LRRTM4: variants seen among roughly 807,000 people sequenced by gnomAD.
LRRTM4 encodes leucine-rich repeat transmembrane neuronal protein 4.
In LRRTM4, 25 loss-of-function variants were observed where a neutral mutation model predicts 47.6. The ratio of observed to expected loss-of-function variants is 0.53; its 90% CI spans 0.38 to 0.73. LRRTM4 has a LOEUF of 0.73. Ranked by LOEUF, LRRTM4 falls within the 30% of genes least tolerant of loss-of-function variation. LRRTM4 has a pLI of 0.00. For missense variants in LRRTM4, 638 were observed against 713.4 expected (o/e 0.89, Z 1.20); for synonymous variants, 311 against 269.5 (o/e 1.15, Z -1.51).
At chr2:77,122,444 T>C (rs146677401) in intron 3 of LRRTM4, among the ~76,000 whole-genome samples, 10 of 150,596 alleles carry the variant, frequency 6.6e-5, no homozygotes, top group African/African-American at 1.7e-4. Flanking sequence ...TAGATATACA[T>C]ATTATACACA....
intron 3 of LRRTM4, among the ~76,000 whole-genome samples, chr2:76,909,996 G>A (rs539009571): frequency 1.4e-4 from 21 of 152,224 alleles, no homozygotes; most frequent in South Asian, 2.1e-4. Flanking sequence ...CCATTACTGC[G>A]TATATACCCA....
chr2:77,282,643 G>A (rs1169168829), intron 3 of LRRTM4, among the ~76,000 whole-genome samples: 2 of 151,818 alleles, frequency 1.3e-5, no homozygotes, highest in African/African-American at 4.8e-5. Context: ...TACATAAACA[G>A]ACACATAGAC....
At chr2:76,808,967 T>C (rs1385093206) in intron 3 of LRRTM4, among the ~76,000 whole-genome samples, 6 of 152,224 alleles carry the variant, frequency 3.9e-5, no homozygotes, top group African/African-American at 9.6e-5. Context: ...AGCTGTGTTT[T>C]GTGTTTGTCA....
intron 3 of LRRTM4, among the ~76,000 whole-genome samples, chr2:77,503,870 T>A (rs749880259): frequency 5.3e-4 from 81 of 151,822 alleles, no homozygotes; most frequent in Admixed American, 1.4e-3. Flanking sequence ...AAGAATTTTT[T>A]AAAAAATTAT....
chr2:76,979,728 G>GATAGATAGATAGATA (rs1558775455), intron 3 of LRRTM4, among the ~76,000 whole-genome samples: 1 of 103,652 alleles, frequency 9.6e-6, no homozygotes, highest in Admixed American at 9.0e-5. Flanking sequence ...ATAGATAGAT[G>GATAGATAGATAGATA]CATACATACA....
intron 3 of LRRTM4, among the ~76,000 whole-genome samples, chr2:77,477,486 T>C (rs893495587): frequency 6.6e-6 from 1 of 152,136 alleles, no homozygotes; most frequent in Non-Finnish European, 1.5e-5. Flanking sequence ...GAAATTTTGC[T>C]GTGAGATGCA....
At chr2:77,001,591 A>G (rs1053077482) in intron 3 of LRRTM4, among the ~76,000 whole-genome samples, 1 of 152,138 alleles carries the variant, frequency 6.6e-6, no homozygotes, top group African/African-American at 2.4e-5. Context: ...ACCACCCTAG[A>G]GTTCTGTCTT....
intron 3 of LRRTM4, among the ~76,000 whole-genome samples, chr2:77,157,110 A>G (rs1401945450): frequency 6.6e-6 from 1 of 152,176 alleles, no homozygotes; most frequent in African/African-American, 2.4e-5. Context: ...CCAAGGAGGC[A>G]TTACTTAACA....
intron 3 of LRRTM4, among the ~76,000 whole-genome samples, chr2:77,353,697 ATTATTATTATAC>A (rs1411731010): frequency 2.6e-5 from 4 of 151,820 alleles, no homozygotes; most frequent in Non-Finnish European, 5.9e-5. Flanking sequence ...TATTATTATT[ATTATTATTATAC>A]TTTAAGTTTT....
At chr2:77,307,027 G>T (rs901202564) in intron 3 of LRRTM4, among the ~76,000 whole-genome samples, 1 of 150,602 alleles carries the variant, frequency 6.6e-6, no homozygotes, top group East Asian at 2.0e-4. Flanking sequence ...AGCCTCCCGC[G>T]TAGCTGGGAC....
chr2:77,099,101 C>A (rs1323785153), intron 3 of LRRTM4, among the ~76,000 whole-genome samples: 1 of 151,866 alleles, frequency 6.6e-6, no homozygotes. Context: ...GCTATAGACA[C>A]TATCCTTTTA....
At chr2:77,026,154 T>C (rs933035608) in intron 3 of LRRTM4, among the ~76,000 whole-genome samples, 2 of 152,170 alleles carry the variant, frequency 1.3e-5, no homozygotes, top group African/African-American at 4.8e-5. Context: ...GAATGCTTTG[T>C]AGTAATTAGC....
intron 3 of LRRTM4, among the ~76,000 whole-genome samples, chr2:77,375,192 A>G (rs1672788637): frequency 6.6e-6 from 1 of 151,726 alleles, no homozygotes; most frequent in African/African-American, 2.4e-5. Flanking sequence ...TTTTAACTTA[A>G]TTTTTAAAAT....
At chr2:76,936,062 C>A (rs1214963164) in intron 3 of LRRTM4, among the ~76,000 whole-genome samples, 5 of 152,060 alleles carry the variant, frequency 3.3e-5, no homozygotes, top group South Asian at 2.1e-4. Context: ...CTAGAAATAC[C>A]ATTTGACCCA....
rs1029439591 is a variant in LRRTM4, at chr2:76,910,541, G to A, written c.1552-161625C>T. ...ATCATTCTTATAGCACCATTATTACGAAGAAATATTTGTTTCTCATTATGT... is the reference window on the plus strand; with the variant it reads ...ATCATTCTTATAGCACCATTATTACAAAGAAATATTTGTTTCTCATTATGT... On this transcript the variant is annotated intron_variant, in intron 3 of 3. Transcript: ENST00000409884. Among the ~76,000 whole-genome samples the A allele has an allele frequency of 1.2e-4, 18 of 152,156 alleles. No homozygotes were observed. In the East Asian group the frequency reaches 1.4e-3, roughly 11 times the overall value.
chr2:77,255,632 C>T (rs1266334978), intron 3 of LRRTM4, among the ~76,000 whole-genome samples: 1 of 152,052 alleles, frequency 6.6e-6, no homozygotes. Flanking sequence ...GGAAAATCCA[C>T]AAATATTTGG....
intron 3 of LRRTM4, among the ~76,000 whole-genome samples, chr2:77,140,724 T>C (rs1672096744): frequency 6.6e-6 from 1 of 152,026 alleles, no homozygotes; most frequent in African/African-American, 2.4e-5. Flanking sequence ...GCAAGCTACT[T>C]CTCTGACAAA....
intron 3 of LRRTM4, among the ~76,000 whole-genome samples, chr2:76,903,401 T>G (rs535739174): frequency 7.2e-5 from 11 of 152,004 alleles, no homozygotes; most frequent in African/African-American, 2.4e-4. Context: ...CCAGGTGTGG[T>G]GGCGGGCGCC....
intron 3 of LRRTM4, among the ~76,000 whole-genome samples, chr2:77,477,440 T>C (rs1677446902): frequency 6.6e-6 from 1 of 152,156 alleles, no homozygotes; most frequent in Non-Finnish European, 1.5e-5. Context: ...TAAACACAAA[T>C]AGATAAATTA....
Sources: allele counts gnomAD v4.1 joint callset (sites outside exome capture counted in the v4.1 genomes callset), GRCh38; gene constraint gnomAD v4.1.1; transcripts MANE v1.5; gene names NCBI Gene and HGNC (gene_info 2026-07-23, HGNC 2026-07-21).